Variants in LPP observed in about 807,000 individuals in gnomAD.
LPP encodes LIM domain containing preferred translocation partner in lipoma, also known as lipoma-preferred partner.
In LPP, 38 loss-of-function variants were observed where a neutral mutation model predicts 60.4. That is an observed-to-expected ratio of 0.63 (90% CI 0.49 to 0.83). The LOEUF is 0.83. Ranked by LOEUF, LPP falls within the 40% of genes least tolerant of loss-of-function variation. The pLI, the probability that LPP is intolerant of heterozygous loss-of-function variation, is 0.00. For synonymous variants in LPP, 328 were observed against 290.8 expected, an observed-to-expected ratio of 1.13 and a Z score of -1.30; for missense variants, 902 against 783.6, an observed-to-expected ratio of 1.15 and a Z score of -1.80.
chr3:188,826,400 A>G (rs188919077), intron 9 of LPP, among the ~76,000 whole-genome samples: 12 of 152,292 alleles, frequency 7.9e-5, no homozygotes, highest in Admixed American at 2.0e-4. Context: ...GGAAAGTTCT[A>G]TTATTAGTAC....
At position 188,631,025 on chromosome 3, in the gene LPP, T is replaced by C. The variant is rs561216239; in HGVS notation, c.1113+21181T>C. On this transcript the variant is annotated intron_variant, in intron 7 of 11. Coordinates refer to ENST00000617246, the MANE Select transcript of LPP (RefSeq NM_001375462.1). ...AATAGACACTAGGACATACTTGGTG[T>C]AGAGGCTAGGAGAAGGGTGAGGGTC... Among the ~76,000 whole-genome samples the C allele has an allele frequency of 2.0e-5, 3 of 152,110 alleles. No individual in the cohort carries two copies. In the South Asian group the frequency reaches 6.2e-4, roughly 32 times the overall value.
intron 7 of LPP, among the ~76,000 whole-genome samples, chr3:188,677,835 C>A (rs566285053): frequency 5.9e-5 from 9 of 151,924 alleles, no homozygotes; most frequent in Admixed American, 1.3e-4. Flanking sequence ...GTGTTTACAT[C>A]AGTGCTGTTT....
intron 6 of LPP, among the ~76,000 whole-genome samples, chr3:188,574,738 G>A (rs750969045): frequency 2.0e-5 from 3 of 151,960 alleles, no homozygotes; most frequent in Non-Finnish European, 4.4e-5. Flanking sequence ...GGGGGCTAAG[G>A]GGGGTGTGTA....
At chr3:188,676,198 G>A (rs1036114715) in intron 7 of LPP, among the ~76,000 whole-genome samples, 1 of 152,164 alleles carries the variant, frequency 6.6e-6, no homozygotes, top group Non-Finnish European at 1.5e-5. Flanking sequence ...GTGTATTCAT[G>A]GAATAATCTA....
At chr3:188,427,320 C>A (rs1397179782) in intron 4 of LPP, among the ~76,000 whole-genome samples, 1 of 152,194 alleles carries the variant, frequency 6.6e-6, no homozygotes, top group Non-Finnish European at 1.5e-5. Context: ...GCAGAGAGAT[C>A]TGCTGTTAGT....
chr3:188,299,875 G>A (rs748274340), intron 2 of LPP, among the ~76,000 whole-genome samples: 36 of 152,310 alleles, frequency 2.4e-4, no homozygotes, highest in Non-Finnish European at 4.4e-4. Context: ...CCGCTCTGCT[G>A]TCTGTCTCTG....
intron 4 of LPP, among the ~76,000 whole-genome samples, chr3:188,442,962 GTCTATT>G (rs2149275135): frequency 6.6e-6 from 1 of 152,280 alleles, no homozygotes; most frequent in Non-Finnish European, 1.5e-5. Flanking sequence ...GAGTTTGTGT[GTCTATT>G]TGTAAAACCA....
intron 7 of LPP, among the ~76,000 whole-genome samples, chr3:188,662,319 T>C (rs1854766883): frequency 6.6e-6 from 1 of 152,170 alleles, no homozygotes; most frequent in South Asian, 2.1e-4. Flanking sequence ...TTTATCCTGA[T>C]GGGTTCAACT....
chr3:188,626,980 C>G (rs890785543), intron 7 of LPP, among the ~76,000 whole-genome samples: 3 of 152,118 alleles, frequency 2.0e-5, no homozygotes, highest in Non-Finnish European at 2.9e-5. Flanking sequence ...AAATAACACT[C>G]TTATGAATTA....
intron 2 of LPP, among the ~76,000 whole-genome samples, chr3:188,241,183 G>A (rs1560146283): frequency 6.6e-6 from 1 of 152,258 alleles, no homozygotes; most frequent in African/African-American, 2.4e-5. Flanking sequence ...GAAGGTGGTG[G>A]GTATGGATAG....
chr3:188,453,214 T>C (rs1796988489), intron 4 of LPP, among the ~76,000 whole-genome samples: 1 of 152,188 alleles, frequency 6.6e-6, no homozygotes, highest in African/African-American at 2.4e-5. Context: ...CCTGGCATCG[T>C]GCCCCCTTGA....
intron 2 of LPP, among the ~76,000 whole-genome samples, chr3:188,315,078 A>T (rs373082678): frequency 9.9e-6 from 1 of 101,320 alleles, no homozygotes; most frequent in African/African-American, 4.3e-5. Flanking sequence ...AATTTTTTAC[A>T]TTTTTTTTCT....
intron 6 of LPP, among the ~76,000 whole-genome samples, chr3:188,602,177 T>TATATATATAATATATATATATATATA (rs1841458686): frequency 5.2e-5 from 6 of 115,282 alleles, no homozygotes; most frequent in African/African-American, 1.9e-4. Context: ...ATATATATAT[T>TATATATATAATATATATATATATATA]ATATATATAT....
chr3:188,492,990 C>G (rs1046050538), intron 5 of LPP, among the ~76,000 whole-genome samples: 1 of 152,064 alleles, frequency 6.6e-6, no homozygotes, highest in Non-Finnish European at 1.5e-5. Flanking sequence ...TAACTTTTAC[C>G]TGTTTGCTGT....
chr3:188,406,030 T>A lies in LPP; in HGVS notation c.-9-82T>A. On this transcript the variant is annotated intron_variant, in intron 3 of 11. Transcript: ENST00000617246. ...TTTATCAGGATGCATTTAGTATGGA[T>A]TAAGGTGAAATAGCAATGAAATGAG... 3 of 1,231,460 alleles carry A rather than the reference T, an allele frequency of 2.4e-6. No homozygotes were observed. The South Asian group carries it at 4.3e-5, about 18-fold the overall frequency. 76.3% of individuals were successfully genotyped at this position (1,231,460 alleles called of 1,614,324 possible). A position where few individuals can be genotyped will look rare whatever the true frequency, so the allele number is the denominator to read the frequency against.
chr3:188,513,392 T>C (rs552745381), intron 5 of LPP, among the ~76,000 whole-genome samples: 2 of 152,332 alleles, frequency 1.3e-5, no homozygotes, highest in South Asian at 4.1e-4. Context: ...AAAGCAGCTC[T>C]GTCTGTATAT....
intron 10 of LPP, among the ~76,000 whole-genome samples, chr3:188,871,635 A>G (rs1768117904): frequency 6.6e-6 from 1 of 152,232 alleles, no homozygotes; most frequent in Admixed American, 6.5e-5. Flanking sequence ...TCTTAAAACC[A>G]GTACCATGAA....
Position 188,609,599 on chromosome 3 carries a change from G to A in LPP, c.868G>A (p.Ala290Thr), listed in dbSNP as rs760670666. 20 of 1,614,062 alleles carry A rather than the reference G, an allele frequency of 1.2e-5. No individual in the cohort carries two copies. Among genetic ancestry groups the A allele is most frequent in the African/African-American group, 2.7e-5 (2 of 74,932 alleles). ...TCAGCCGGAGCCTGGGTATGGGTAT[G>A]CCCCCAACCAGGGACGCTATTATGA... ...GLQPEPGYGYAPNQGRYYEGY... is the reference protein window; with the variant it reads ...GLQPEPGYGYTPNQGRYYEGY... The change falls in exon 7 of 12, where the codon GCC becomes ACC. Residue 290 changes from alanine (A) to threonine (T), a missense_variant. By Grantham distance (58) the Ala-to-Thr change is moderately conservative (BLOSUM62 0). Coordinates refer to ENST00000617246, the MANE Select transcript of LPP (RefSeq NM_001375462.1). The surrounding 1 kb of genome is among the most constrained non-coding windows in gnomAD (Gnocchi z 6.9).
chr3:188,835,485 G>A (rs1489565404), intron 9 of LPP, among the ~76,000 whole-genome samples: 1 of 151,848 alleles, frequency 6.6e-6, no homozygotes, highest in Non-Finnish European at 1.5e-5. Flanking sequence ...TGGTGGTGGT[G>A]GCAGATGCCT....
Sources: allele counts gnomAD v4.1 joint callset (sites outside exome capture counted in the v4.1 genomes callset), GRCh38; gene constraint gnomAD v4.1.1; non-coding constraint Gnocchi (gnomAD v3.1); transcripts MANE v1.5; gene names NCBI Gene and HGNC (gene_info 2026-07-23, HGNC 2026-07-21).